Variants in PPFIA2 observed in about 807,000 individuals in gnomAD.
PPFIA2 encodes the protein liprin-alpha-2.
In PPFIA2, 46 loss-of-function variants were observed where a neutral mutation model predicts 175.5. That is an observed-to-expected ratio of 0.26 (90% CI 0.21 to 0.34). PPFIA2 has a LOEUF of 0.34. PPFIA2 is among the 10% of genes least tolerant of loss of function. The pLI is 1.00. For synonymous variants in PPFIA2, 568 were observed against 511.4 expected (o/e 1.11, Z -1.49); for missense variants, 1,179 against 1,506.1 (o/e 0.78, Z 3.60).
At chr12:81,313,281 AT>A (rs2051416350) in intron 22 of PPFIA2, among the ~76,000 whole-genome samples, 1 of 152,152 alleles carries the variant, frequency 6.6e-6, no homozygotes, top group African/African-American at 2.4e-5. Context: ...CATGTTCAAT[AT>A]AACAAAATAG....
At chr12:81,501,356 C>T (rs1321720498) in intron 4 of PPFIA2, among the ~76,000 whole-genome samples, 2 of 152,072 alleles carry the variant, frequency 1.3e-5, no homozygotes, top group African/African-American at 4.8e-5. Flanking sequence ...CTCTGATCTC[C>T]TTATTTAAAT....
intron 8 of PPFIA2, among the ~76,000 whole-genome samples, chr12:81,389,698 T>C (rs2039740285): frequency 6.6e-6 from 1 of 152,084 alleles, no homozygotes; most frequent in Non-Finnish European, 1.5e-5. Flanking sequence ...TTCCAAACCA[T>C]TGTTAACTTG....
chr12:81,317,163 C>G (rs1177815722), intron 22 of PPFIA2, among the ~76,000 whole-genome samples: 1 of 151,270 alleles, frequency 6.6e-6, no homozygotes, highest in African/African-American at 2.4e-5. Context: ...AAAAATGAAG[C>G]AGAATATATG....
chr12:81,704,544 T>C (rs995848639), intron 3 of PPFIA2, among the ~76,000 whole-genome samples: 1 of 151,906 alleles, frequency 6.6e-6, no homozygotes, highest in Admixed American at 6.6e-5. Context: ...TTGATGGGAG[T>C]GACCTCAAAC....
In PPFIA2 at chr12:81,374,773, A is replaced by G. The variant is rs2035966012; in HGVS notation, c.1132-5T>C. On this transcript the variant is annotated splice_polypyrimidine_tract_variant and splice_region_variant and intron_variant, in intron 10 of 32. Transcript: ENST00000549396. ...CTGTCTGTTTTTCTCTTCCATCTGA[A>G]ATGGGAATGGGAGCAGAGACACTTA... 1.2e-6 allele frequency: 2 copies of G among 1,610,536 alleles called. No homozygotes were observed. The highest frequency in any genetic ancestry group is 2.7e-5 in the African/African-American group (2 of 74,920).
At chr12:81,300,343 C>T (rs868722602) in intron 22 of PPFIA2, among the ~76,000 whole-genome samples, 5 of 151,926 alleles carry the variant, frequency 3.3e-5, no homozygotes, top group African/African-American at 7.3e-5. Context: ...ATTTTGAATG[C>T]GTATGTTTTA....
intron 3 of PPFIA2, among the ~76,000 whole-genome samples, chr12:81,737,680 A>C (rs2081792745): frequency 6.7e-6 from 1 of 148,462 alleles, no homozygotes; most frequent in Admixed American, 6.7e-5. Context: ...CAAAATTAAA[A>C]ACAAAACAAA....
intron 4 of PPFIA2, chr12:81,597,886 C>T (rs2059413014): frequency 6.9e-7 from 1 of 1,446,536 alleles, no homozygotes; most frequent in Admixed American, 2.0e-5. Flanking sequence ...CTTTATATAG[C>T]ACTTTGTTAA....
chr12:81,405,798 C>A lies in PPFIA2; in HGVS notation c.751G>T (p.Val251Phe). The part of the protein sequence containing the change: ...HLEGMEPGQK[V>F]HEKRLSNGSI... ...GGGGTGTGTCATACCTTCTCATGGA[C>A]TTTCTGTCCAGGTTCCATCCCTTCA... The change falls in exon 8 of 33, where the codon GTC becomes TTC. Residue 251 changes from valine to phenylalanine, a missense_variant. This residue lies in a region of PPFIA2 where 226 missense variants were observed against 216.6 expected (regional missense o/e 1.04). Coordinates refer to ENST00000549396, the MANE Select transcript of PPFIA2 (RefSeq NM_003625.5). 6.4e-7 allele frequency: 1 copy of A among 1,563,026 alleles called. No homozygotes were observed. The highest frequency in any genetic ancestry group is 8.7e-7 in the Non-Finnish European group (1 of 1,150,336).
At chr12:81,740,984 C>T (rs941162070) in intron 3 of PPFIA2, among the ~76,000 whole-genome samples, 5 of 41,002 alleles carry the variant, frequency 1.2e-4, no homozygotes, top group Non-Finnish European at 4.8e-4. Context: ...AATATTCATA[C>T]ACTTTTTTTT....
chr12:81,537,603 C>A (rs559550269), intron 4 of PPFIA2, among the ~76,000 whole-genome samples: 11 of 151,866 alleles, frequency 7.2e-5, no homozygotes, highest in Non-Finnish European at 1.2e-4. Context: ...TCCCTTATAA[C>A]TCTTGGTAAA....
chr12:81,591,300 G>C (rs1044332713), intron 4 of PPFIA2, among the ~76,000 whole-genome samples: 1 of 152,166 alleles, frequency 6.6e-6, no homozygotes, highest in Non-Finnish European at 1.5e-5. Flanking sequence ...TGTTGTTAAA[G>C]GCACTTAGTT....
intron 29 of PPFIA2, 81 bp downstream of exon 29, chr12:81,267,831 C>T: frequency 7.8e-7 from 1 of 1,276,182 alleles, no homozygotes; most frequent in Non-Finnish European, 1.0e-6. Context: ...ATCATGAATA[C>T]ACAGCCAATT....
chr12:81,279,850 A>G (rs903048240), intron 27 of PPFIA2, among the ~76,000 whole-genome samples: 4 of 152,196 alleles, frequency 2.6e-5, no homozygotes, highest in Non-Finnish European at 5.9e-5. Context: ...TGTATACACT[A>G]CAAGGCAGCT....
intron 4 of PPFIA2, among the ~76,000 whole-genome samples, chr12:81,657,453 G>A (rs142633755): frequency 6.6e-6 from 1 of 152,264 alleles, no homozygotes; most frequent in African/African-American, 2.4e-5. Context: ...CTATCCTGGA[G>A]ATTGGCCTTC....
intron 30 of PPFIA2, among the ~76,000 whole-genome samples, chr12:81,264,347 T>C (rs1394404387): frequency 2.0e-5 from 3 of 152,212 alleles, no homozygotes; most frequent in Admixed American, 2.0e-4. Context: ...TTCCTCCAAA[T>C]TGGCAAGTAG....
At chr12:81,653,880 T>A (rs1039254188) in intron 4 of PPFIA2, among the ~76,000 whole-genome samples, 5 of 152,038 alleles carry the variant, frequency 3.3e-5, no homozygotes, top group Non-Finnish European at 7.4e-5. Flanking sequence ...CAAACAAGTA[T>A]CATTTCAGTG....
At chr12:81,473,889 C>T (rs1242729666) in intron 4 of PPFIA2, among the ~76,000 whole-genome samples, 2 of 152,130 alleles carry the variant, frequency 1.3e-5, no homozygotes, top group African/African-American at 4.8e-5. Flanking sequence ...TATTTGACTG[C>T]AGGGCCATAG....
intron 3 of PPFIA2, among the ~76,000 whole-genome samples, chr12:81,716,913 G>A (rs2078699405): frequency 6.7e-6 from 1 of 150,370 alleles, no homozygotes; most frequent in African/African-American, 2.4e-5. Context: ...TTCCCACCAG[G>A]AAAGAAAAAA....
Sources: allele counts gnomAD v4.1 joint callset (sites outside exome capture counted in the v4.1 genomes callset), GRCh38; gene constraint gnomAD v4.1.1; regional missense constraint gnomAD v4.1.1; transcripts MANE v1.5; gene names NCBI Gene and HGNC (gene_info 2026-07-23, HGNC 2026-07-21).